Variants in FAM227A observed in about 807,000 individuals in gnomAD.
FAM227A encodes the protein family with sequence similarity 227 member A.
Under a neutral mutation model 74.7 loss-of-function variants are expected in FAM227A, and 80 were observed. The ratio of observed to expected loss-of-function variants is 1.07; its 90% CI spans 0.89 to 1.29. The LOEUF (loss-of-function observed/expected upper bound fraction) is 1.29, where lower values mean the gene tolerates loss of function less well. Among genes scored for constraint, FAM227A ranks in the 50% most tolerant of loss-of-function variants. FAM227A has a pLI of 0.00. For missense variants in FAM227A, 654 were observed against 683.4 expected (o/e 0.96, Z 0.48); for synonymous variants, 237 against 241.8 (o/e 0.98, Z 0.19).
chr22:38,649,593 G>C (rs1490538325), intron 2 of FAM227A, among the ~76,000 whole-genome samples: 2 of 148,734 alleles, frequency 1.3e-5, no homozygotes, highest in South Asian at 2.1e-4. Context: ...ATGGCTGGGC[G>C]AGGTGGCTCA....
chr22:38,647,454 AC>A (rs926926988), intron 2 of FAM227A, among the ~76,000 whole-genome samples: 9 of 152,214 alleles, frequency 5.9e-5, no homozygotes, highest in African/African-American at 1.9e-4. Flanking sequence ...ACAAAAAAAA[AC>A]AAAACAACGA....
intron 4 of FAM227A, among the ~76,000 whole-genome samples, chr22:38,639,278 G>A (rs1403000767): frequency 6.6e-6 from 1 of 151,792 alleles, no homozygotes; most frequent in South Asian, 2.1e-4. Context: ...GCACGGTGGC[G>A]AGCCCCTGTA....
Position 38,583,091 on chromosome 22 carries a change from A to T in FAM227A, c.*3034T>A, listed in dbSNP as rs1343260415. The T allele has an allele frequency of 1.1e-6, 1 of 911,752 alleles. No homozygotes were observed. Among genetic ancestry groups the T allele is most frequent in the African/African-American group, 1.7e-5 (1 of 60,252 alleles). 56.5% of individuals were successfully genotyped at this position (911,752 alleles called of 1,614,324 possible). On this transcript the variant is annotated 3_prime_UTR_variant, in exon 17 of 17. Coordinates refer to ENST00000535113, the MANE Select transcript of FAM227A (RefSeq NM_001013647.2). ...TGGCTGGGGTAGTAAAGGGAAGGTG[A>T]GAGAGTGTTCTGCTTATCTGCCCCA...
intron 11 of FAM227A, chr22:38,618,525 G>A (rs139361679): frequency 3.9e-5 from 6 of 152,210 alleles, no homozygotes; most frequent in East Asian, 3.9e-4. Context: ...TGAGGTTTTC[G>A]CTTTCTTCCA....
chr22:38,605,015 A>G (rs1041796177), intron 13 of FAM227A, among the ~76,000 whole-genome samples: 2 of 152,192 alleles, frequency 1.3e-5, no homozygotes, highest in Non-Finnish European at 1.5e-5. Flanking sequence ...GCTTTATGAT[A>G]TTTGACAAAT....
At position 38,645,697 on chromosome 22, in the gene FAM227A, A is replaced by G. The variant is rs932195822; in HGVS notation, c.143-52T>C. On this transcript the variant is annotated intron_variant, in intron 2 of 16. Transcript: ENST00000535113. ...TCAGGGTGATGATTACACACACAAC[A>G]GGATGGGGCTTGTCTGGTGAGAAGG... is the stretch of plus-strand genomic sequence containing the variant. The G allele has an allele frequency of 2.6e-6, 3 of 1,176,238 alleles. No individual in the cohort carries two copies. In the African/African-American group the frequency reaches 4.6e-5, roughly 18 times the overall value. 72.9% of individuals were successfully genotyped at this position (1,176,238 alleles called of 1,614,324 possible). A position where few individuals can be genotyped will look rare whatever the true frequency, so the allele number is the denominator to read the frequency against.
chr22:38,647,285 T>G (rs2092256776), intron 2 of FAM227A, among the ~76,000 whole-genome samples: 1 of 151,950 alleles, frequency 6.6e-6, no homozygotes, highest in Admixed American at 6.6e-5. Context: ...GCCAACATGG[T>G]GAAATCCCGT....
chr22:38,589,672 G>A (rs1174670224), intron 16 of FAM227A, among the ~76,000 whole-genome samples: 3 of 152,110 alleles, frequency 2.0e-5, no homozygotes, highest in Admixed American at 6.5e-5. Flanking sequence ...GGAAGACAGT[G>A]ACCCACAAAG....
chr22:38,641,563 A>AC, intron 3 of FAM227A, among the ~76,000 whole-genome samples: 1 of 149,118 alleles, frequency 6.7e-6, no homozygotes. Flanking sequence ...AAAAAAAAAA[A>AC]AAAAACAAAA....
At chr22:38,599,598 G>A (rs887798005) in intron 14 of FAM227A, among the ~76,000 whole-genome samples, 166 bp downstream of exon 14, 1 of 152,178 alleles carries the variant, frequency 6.6e-6, no homozygotes, top group Admixed American at 6.6e-5. Flanking sequence ...ACTAAGATGA[G>A]CACGATTCTG....
chr22:38,628,728 G>T, intron 7 of FAM227A, 106 bp downstream of exon 7: 1 of 732,386 alleles, frequency 1.4e-6, no homozygotes, highest in Non-Finnish European at 2.4e-6. Flanking sequence ...GCTGTGGGGT[G>T]CTCCATGGGA....
chr22:38,632,932 A>G (rs1979045013), intron 6 of FAM227A, among the ~76,000 whole-genome samples: 2 of 152,192 alleles, frequency 1.3e-5, no homozygotes, highest in Non-Finnish European at 1.5e-5. Flanking sequence ...GAGAATGGAG[A>G]TGAGAACATG....
chr22:38,623,167 C>A lies in FAM227A; in HGVS notation c.958+5G>T. 6.5e-7 allele frequency: 1 copy of A among 1,546,900 alleles called. No homozygotes were observed. Among genetic ancestry groups the A allele is most frequent in the Non-Finnish European group, 8.8e-7 (1 of 1,142,680 alleles). On this transcript the variant is annotated splice_donor_5th_base_variant and intron_variant, in intron 10 of 16. Transcript: ENST00000535113. ...GAAGGCGGGAGGCTGTACCTGCTATCTTACCCTTTGTCAGTCTTCTTCTGT... is the reference window on the plus strand; with the variant it reads ...GAAGGCGGGAGGCTGTACCTGCTATATTACCCTTTGTCAGTCTTCTTCTGT...
chr22:38,621,470 A>C (rs1416610693), intron 10 of FAM227A, among the ~76,000 whole-genome samples: 1 of 151,094 alleles, frequency 6.6e-6, no homozygotes, highest in Non-Finnish European at 1.5e-5. Context: ...AAATGCTTAG[A>C]GAGCTAACAG....
chr22:38,639,529 AG>A, intron 4 of FAM227A, 125 bp downstream of exon 4: 1 of 936,370 alleles, frequency 1.1e-6, no homozygotes, highest in South Asian at 1.4e-5. Context: ...GTCAGATTTA[AG>A]GCTCCTTCAG....
At chr22:38,600,842 C>G (rs907856100) in intron 13 of FAM227A, among the ~76,000 whole-genome samples, 1 of 151,692 alleles carries the variant, frequency 6.6e-6, no homozygotes, top group Admixed American at 6.6e-5. Flanking sequence ...GTCCCAGCTA[C>G]TCAGGAGGCT....
chr22:38,602,285 G>A (rs990072908), intron 13 of FAM227A, among the ~76,000 whole-genome samples: 1 of 152,160 alleles, frequency 6.6e-6, no homozygotes, highest in African/African-American at 2.4e-5. Context: ...AGCATCCCTG[G>A]CCTCCCCCAA....
intron 16 of FAM227A, 190 bp downstream of exon 16, chr22:38,591,245 G>A: frequency 1.7e-6 from 2 of 1,146,166 alleles, no homozygotes; most frequent in Non-Finnish European, 2.3e-6. Flanking sequence ...GATTGCTTGA[G>A]CCCAGGAGGT....
In FAM227A at chr22:38,626,217, C is replaced by T. The variant is rs953632986; in HGVS notation, c.813G>A (p.Lys271=). The part of the protein sequence containing the change: ...PQSWFDTHEF[K]SDICNTMSLW... ...GGCTCATTGTGTTACAGATGTCAGA[C>T]TTGAATTCGTGCGTGTCGAACCAGG... Residue 271 remains lysine, a synonymous_variant, in exon 9 of 17, where the codon AAG becomes AAA. Transcript: ENST00000535113. 3.2e-6 allele frequency: 5 copies of T among 1,551,538 alleles called. No homozygotes were observed. Among genetic ancestry groups the T allele is most frequent in the Admixed American group, 2.0e-5 (1 of 50,978 alleles).
Sources: allele counts gnomAD v4.1 joint callset (sites outside exome capture counted in the v4.1 genomes callset), GRCh38; gene constraint gnomAD v4.1.1; transcripts MANE v1.5; gene names NCBI Gene and HGNC (gene_info 2026-07-23, HGNC 2026-07-21).